Variants in ZC3H13 observed in about 807,000 individuals in gnomAD.
The protein encoded by ZC3H13 is zinc finger CCCH domain-containing protein 13.
ZC3H13 carries 64 observed loss-of-function variants against 204.1 expected under a neutral mutation model. The ratio of observed to expected loss-of-function variants is 0.31; its 90% CI spans 0.26 to 0.39. ZC3H13 has a LOEUF of 0.39. Among genes scored for constraint, ZC3H13 ranks in the 10% least tolerant of loss-of-function variants. ZC3H13 has a pLI of 1.00. For synonymous variants in ZC3H13, 667 were observed against 693.7 expected, an observed-to-expected ratio of 0.96 and a Z score of 0.60; for missense variants, 1,833 against 2,082.7, an observed-to-expected ratio of 0.88 and a Z score of 2.33.
intron 17 of ZC3H13, among the ~76,000 whole-genome samples, chr13:45,961,647 A>T (rs1452810530): frequency 6.6e-6 from 1 of 151,924 alleles, no homozygotes; most frequent in Non-Finnish European, 1.5e-5. Flanking sequence ...AGTATTTGAT[A>T]ATACAACAGG....
At chr13:46,036,870 C>G (rs1446196460) in intron 4 of ZC3H13, among the ~76,000 whole-genome samples, 1 of 152,058 alleles carries the variant, frequency 6.6e-6, no homozygotes, top group Non-Finnish European at 1.5e-5. Flanking sequence ...AGGCATGAGC[C>G]ACCACACCTG....
chr13:45,968,948 C>T lies in ZC3H13; in HGVS notation c.3596G>A (p.Arg1199His), dbSNP rs755691752. The change falls in exon 14 of 19, where the codon CGT becomes CAT. Residue 1199 changes from arginine to histidine, a missense_variant. Around this residue, in one of 5 missense-constraint regions of ZC3H13, gnomAD observed 1,574 missense variants for 1,757.2 expected, o/e 0.90. Transcript: ENST00000679008. Reference protein sequence around the residue: ...SSSLGSNRSNRSHTSGRLRSP... With the variant: ...SSSLGSNRSNHSHTSGRLRSP... Reference sequence around the variant, plus strand: ...GCGAAGACGACCAGACGTATGACTACGGTTACTCCGATTGCTCCCGAGGCT... The same window carrying T: ...GCGAAGACGACCAGACGTATGACTATGGTTACTCCGATTGCTCCCGAGGCT... 156 of 1,614,080 alleles carry T rather than the reference C, an allele frequency of 9.7e-5. 1 individual carries two copies. In the Middle Eastern group the frequency reaches 3.0e-3, roughly 31 times the overall value.
Position 46,029,434 on chromosome 13 carries a change from T to TC in ZC3H13, c.340-8878_340-8877insG, listed in dbSNP as rs1182464022. 2.0e-5 allele frequency among the ~76,000 whole-genome samples: 3 copies of TC among 150,052 alleles called. No individual in the cohort carries two copies. The East Asian group carries it at 5.8e-4, about 29-fold the overall frequency. ...AGAAGAGATGGACTACTTCTTTTTT[T>TC]TTTTTTTTTTTTGAGACGGAGTCTC... On this transcript the variant is annotated intron_variant, in intron 4 of 18. Coordinates refer to ENST00000679008, the MANE Select transcript of ZC3H13 (RefSeq NM_001330564.2).
intron 4 of ZC3H13, among the ~76,000 whole-genome samples, chr13:46,035,144 C>G (rs1723869473): frequency 6.6e-6 from 1 of 152,144 alleles, no homozygotes; most frequent in South Asian, 2.1e-4. Flanking sequence ...AGTTATCAGG[C>G]TGTGAGGAAG....
At chr13:46,043,804 T>C (rs959391680) in intron 3 of ZC3H13, among the ~76,000 whole-genome samples, 18 of 151,976 alleles carry the variant, frequency 1.2e-4, no homozygotes, top group African/African-American at 4.3e-4. Flanking sequence ...TCTCTGACCA[T>C]TTTTCTCAAA....
rs774702698 is a variant in ZC3H13 at position 46,003,232 on chromosome 13, T to C, written c.851A>G (p.Tyr284Cys). The change falls in exon 8 of 19, where the codon TAT becomes TGT. Residue 284 changes from tyrosine to cysteine, a missense_variant. By Grantham distance (194) the Tyr-to-Cys change is radical. This residue lies in a region of ZC3H13 where 1,574 missense variants were observed against 1,757.2 expected (regional missense o/e 0.90). Transcript: ENST00000679008. ...TTCTTCTATCCTGTCTTTTACTTTA[T>C]ATTTTTCTTTGTATTTTTTCCCCAG... is the stretch of plus-strand genomic sequence containing the variant. The part of the protein sequence containing the change: ...IALGKKYKEK[Y>C]KVKDRIEEKT... 6.2e-7 allele frequency: 1 copy of C among 1,613,410 alleles called. No individual in the cohort carries two copies. Among genetic ancestry groups the C allele is most frequent in the Non-Finnish European group, 8.5e-7 (1 of 1,179,794 alleles).
At position 45,969,042 on chromosome 13, in the gene ZC3H13, C is replaced by T; in HGVS notation, c.3502G>A (p.Val1168Ile). ...RKCHRTRVEK[V>I]ETPHVTIEDA... ...TCTATAGTCACGTGAGGCGTCTCTA[C>T]TTTTTCTACTCGTGTTCTGTGGCAT... is the stretch of plus-strand genomic sequence containing the variant. Residue 1168 changes from valine to isoleucine, a missense_variant, in exon 14 of 19, where the codon GTA becomes ATA. This residue lies in a region of ZC3H13 where 1,574 missense variants were observed against 1,757.2 expected (regional missense o/e 0.90). Coordinates refer to ENST00000679008, the MANE Select transcript of ZC3H13 (RefSeq NM_001330564.2). 1.9e-6 allele frequency: 3 copies of T among 1,614,196 alleles called. No homozygotes were observed. The South Asian group carries it at 3.3e-5, about 18-fold the overall frequency.
chr13:46,042,112 A>G, intron 4 of ZC3H13, 52 bp downstream of exon 4: 2 of 1,388,614 alleles, frequency 1.4e-6, no homozygotes, highest in Non-Finnish European at 1.0e-6. Flanking sequence ...TGAAACTCAA[A>G]TTAACAAATC....
At chr13:46,031,226 C>CAA (rs574218304) in intron 4 of ZC3H13, among the ~76,000 whole-genome samples, 5 of 150,636 alleles carry the variant, frequency 3.3e-5, no homozygotes, top group African/African-American at 9.8e-5. Context: ...CAACCAAATG[C>CAA]AAAAAAAATA....
chr13:45,962,674 G>C, intron 17 of ZC3H13: 1 of 979,908 alleles, frequency 1.0e-6, no homozygotes, highest in African/African-American at 1.7e-5. Flanking sequence ...ATAGAGTAAA[G>C]GAAGGGCATG....
intron 8 of ZC3H13, among the ~76,000 whole-genome samples, chr13:45,994,952 C>G (rs951981376): frequency 1.3e-5 from 2 of 149,806 alleles, no homozygotes; most frequent in African/African-American, 4.9e-5. Flanking sequence ...TGCCAATGGC[C>G]TGGAAGTCCC....
chr13:46,035,783 G>C (rs1022438292), intron 4 of ZC3H13, among the ~76,000 whole-genome samples: 6 of 152,106 alleles, frequency 3.9e-5, no homozygotes, highest in African/African-American at 1.4e-4. Context: ...GATAAACTGG[G>C]GCAGGTACAT....
chr13:45,986,914 C>G (rs908655164), intron 9 of ZC3H13, among the ~76,000 whole-genome samples: 8 of 152,170 alleles, frequency 5.3e-5, no homozygotes, highest in Non-Finnish European at 2.9e-5. Context: ...ACCTATCTCC[C>G]CCACCAATTC....
intron 8 of ZC3H13, among the ~76,000 whole-genome samples, chr13:45,997,835 A>G (rs2040449102): frequency 6.6e-6 from 1 of 152,098 alleles, no homozygotes; most frequent in African/African-American, 2.4e-5. Flanking sequence ...AGGAAAAAAA[A>G]ACAAACCCAA....
At chr13:46,006,150 T>C (rs1466710053) in intron 7 of ZC3H13, among the ~76,000 whole-genome samples, 1 of 151,640 alleles carries the variant, frequency 6.6e-6, no homozygotes, top group East Asian at 1.9e-4. Flanking sequence ...CATCTGATCT[T>C]GTAGCCCCCA....
chr13:45,995,824 T>C (rs1315017362), intron 8 of ZC3H13, among the ~76,000 whole-genome samples: 1 of 152,248 alleles, frequency 6.6e-6, no homozygotes, highest in African/African-American at 2.4e-5. Flanking sequence ...TAAGTTACCT[T>C]GTCCCAGGTA....
Position 45,975,639 on chromosome 13 carries a change from C to G in ZC3H13, c.2112G>C (p.Glu704Asp). Residue 704 changes from glutamate to aspartate, a missense_variant, in exon 12 of 19, where the codon GAG (glutamate) becomes GAC (aspartate). By Grantham distance (45) the Glu-to-Asp change is conservative. This residue lies in a region of ZC3H13 where 1,574 missense variants were observed against 1,757.2 expected (regional missense o/e 0.90). Transcript: ENST00000679008. Reference sequence around the variant, plus strand: ...TAGCACGCTCTCTTTCTAGTTCTCTCTCTTTTTCTCTTTCCCGATCCCGTT... The same window carrying G: ...TAGCACGCTCTCTTTCTAGTTCTCTGTCTTTTTCTCTTTCCCGATCCCGTT... ...ERERDREREK[E>D]RELERERARE... 6.3e-7 allele frequency: 1 copy of G among 1,588,800 alleles called. No homozygotes were observed. The highest frequency in any genetic ancestry group is 1.1e-5 in the South Asian group (1 of 88,540).
intron 4 of ZC3H13, among the ~76,000 whole-genome samples, chr13:46,022,551 T>C (rs1261967315): frequency 6.6e-6 from 1 of 151,972 alleles, no homozygotes; most frequent in Non-Finnish European, 1.5e-5. Context: ...TTGAACAGAA[T>C]GGCTTCTCAT....
intron 7 of ZC3H13, among the ~76,000 whole-genome samples, chr13:46,004,038 TCAA>T (rs899397457): frequency 5.9e-5 from 9 of 151,962 alleles, no homozygotes; most frequent in African/African-American, 2.2e-4. Flanking sequence ...AAGGACACAA[TCAA>T]CAAAGTGAAA....
Sources: gnomAD v4.1 joint callset for allele counts (sites outside exome capture counted in the v4.1 genomes callset) on GRCh38, gnomAD v4.1.1 for gene constraint, gnomAD v4.1.1 regional missense constraint, MANE v1.5 for transcripts, NCBI Gene and HGNC (gene_info 2026-07-23, HGNC 2026-07-21) for gene names.